NME7: variants seen among roughly 807,000 people sequenced by gnomAD.
NME7 encodes nucleoside diphosphate kinase 7.
Under a neutral mutation model 49.1 loss-of-function variants are expected in NME7, and 41 were observed. The ratio of observed to expected loss-of-function variants is 0.83; its 90% CI spans 0.65 to 1.08. NME7 has a LOEUF of 1.08. Among genes scored for constraint, NME7 ranks in the 50% least tolerant of loss-of-function variants. The pLI, the probability that NME7 is intolerant of heterozygous loss-of-function variation, is 0.00. For missense variants in NME7, 423 were observed against 463.4 expected, an observed-to-expected ratio of 0.91 and a Z score of 0.80; for synonymous variants, 139 against 150.6, an observed-to-expected ratio of 0.92 and a Z score of 0.56.
At chr1:169,351,838 T>C (rs774098554) in intron 1 of NME7, among the ~76,000 whole-genome samples, 28 of 151,838 alleles carry the variant, frequency 1.8e-4, no homozygotes, top group Non-Finnish European at 3.8e-4. Flanking sequence ...AATCAAAAAC[T>C]TCCTACACAC....
At chr1:169,294,690 A>G (rs17517699) in intron 6 of NME7, among the ~76,000 whole-genome samples, 6,688 of 152,280 alleles carry the variant, frequency 0.044, 198 homozygotes, top group Non-Finnish European at 0.067. Flanking sequence ...GACAAGGGTA[A>G]AAAAATATAT....
chr1:169,246,397 T>G (rs1320955574), intron 7 of NME7, among the ~76,000 whole-genome samples: 1 of 152,162 alleles, frequency 6.6e-6, no homozygotes, highest in Non-Finnish European at 1.5e-5. Context: ...TCTTAATGGA[T>G]CTCAAATTAA....
intron 8 of NME7, among the ~76,000 whole-genome samples, chr1:169,236,176 T>C (rs1253163974): frequency 2.0e-5 from 3 of 152,152 alleles, no homozygotes; most frequent in Non-Finnish European, 4.4e-5. Flanking sequence ...AAAATACTAA[T>C]AGAAGATATC....
At chr1:169,333,871 A>C (rs1271703611) in intron 1 of NME7, among the ~76,000 whole-genome samples, 1 of 152,196 alleles carries the variant, frequency 6.6e-6, no homozygotes, top group Non-Finnish European at 1.5e-5. Context: ...CCCTATTAAG[A>C]CAAATCAGGT....
intron 10 of NME7, among the ~76,000 whole-genome samples, chr1:169,177,596 G>C (rs1444382053): frequency 1.4e-4 from 21 of 151,970 alleles, no homozygotes; most frequent in Admixed American, 1.4e-3. Flanking sequence ...AGATCATCGT[G>C]GCCAACACAG....
At chr1:169,251,467 A>C (rs1414332654) in intron 7 of NME7, among the ~76,000 whole-genome samples, 1 of 151,518 alleles carries the variant, frequency 6.6e-6, no homozygotes, top group African/African-American at 2.4e-5. Flanking sequence ...GAATTTAAGC[A>C]ATTTATATCC....
At chr1:169,170,867 C>A (rs10919083) in intron 10 of NME7, among the ~76,000 whole-genome samples, 54,120 of 151,870 alleles carry the variant, frequency 0.36, 10,412 homozygotes, top group East Asian at 0.73. Context: ...ATGGAGGTTG[C>A]AGTGAGCCGA....
intron 7 of NME7, among the ~76,000 whole-genome samples, chr1:169,272,181 C>CTG: frequency 7.6e-6 from 1 of 131,880 alleles, no homozygotes; most frequent in Admixed American, 7.5e-5. Context: ...CCATTAAATC[C>CTG]TGTATAAACA....
At chr1:169,331,406 C>G (rs756954558) in intron 1 of NME7, among the ~76,000 whole-genome samples, 4 of 152,262 alleles carry the variant, frequency 2.6e-5, no homozygotes, top group Non-Finnish European at 5.9e-5. Flanking sequence ...CCTCTGAGAT[C>G]TGAAACATGA....
chr1:169,258,860 T>C (rs1649069764), intron 7 of NME7, among the ~76,000 whole-genome samples: 1 of 133,186 alleles, frequency 7.5e-6, no homozygotes, highest in Admixed American at 7.4e-5. Flanking sequence ...ACCTGGGAAC[T>C]TATTACAAAT....
chr1:169,348,412 C>G (rs1274568591), intron 1 of NME7, among the ~76,000 whole-genome samples: 1 of 148,580 alleles, frequency 6.7e-6, no homozygotes, highest in Non-Finnish European at 1.5e-5. Flanking sequence ...CAAAGATGAC[C>G]ATTTGTTTCA....
intron 7 of NME7, among the ~76,000 whole-genome samples, chr1:169,279,125 G>T (rs1383393080): frequency 2.0e-5 from 3 of 152,174 alleles, no homozygotes; most frequent in African/African-American, 7.2e-5. Context: ...TAGGCTGCTT[G>T]GGGGTCAGGG....
chr1:169,348,149 G>C (rs1268148775), intron 1 of NME7, among the ~76,000 whole-genome samples: 2 of 152,178 alleles, frequency 1.3e-5, no homozygotes, highest in Non-Finnish European at 2.9e-5. Flanking sequence ...CTTTATAAAA[G>C]TGGTAAAAGT....
intron 10 of NME7, among the ~76,000 whole-genome samples, chr1:169,192,138 A>G (rs1427062687): frequency 6.6e-6 from 1 of 152,260 alleles, no homozygotes; most frequent in Non-Finnish European, 1.5e-5. Flanking sequence ...AAATATACAT[A>G]AAAGATAAAC....
At chr1:169,336,704 C>G (rs1447516100) in intron 1 of NME7, among the ~76,000 whole-genome samples, 3 of 151,386 alleles carry the variant, frequency 2.0e-5, no homozygotes, top group Admixed American at 6.6e-5. Flanking sequence ...CTCCAAGGCC[C>G]CACAAGAGCA....
At chr1:169,321,913 T>C (rs78948188) in intron 3 of NME7, among the ~76,000 whole-genome samples, 2,193 of 151,318 alleles carry the variant, frequency 0.014, 47 homozygotes, top group African/African-American at 0.048. Context: ...ATCCCTATTT[T>C]AATTACAGCA....
chr1:169,154,470 A>G (rs184651039), intron 11 of NME7, among the ~76,000 whole-genome samples: 10 of 152,328 alleles, frequency 6.6e-5, no homozygotes, highest in African/African-American at 2.2e-4. Context: ...GTTACATTGA[A>G]GAACTCAATA....
rs182069874 is a variant in NME7 at position 169,248,105 on chromosome 1, G to A, written c.755-10418C>T. Among the ~76,000 whole-genome samples, 497 of 152,200 alleles carry A rather than the reference G, an allele frequency of 3.3e-3. 3 individuals carry two copies. Among genetic ancestry groups the A allele is most frequent in the African/African-American group, 0.011 (459 of 41,552 alleles). ...ACTAATTTACATTCCTACCAGCAGT[G>A]TATAGGTGTTCCCTTTTCACCACAT... On this transcript the variant is annotated intron_variant, in intron 7 of 11. Transcript: ENST00000367811.
At chr1:169,318,138 T>C (rs1169135038) in intron 3 of NME7, among the ~76,000 whole-genome samples, 1 of 152,228 alleles carries the variant, frequency 6.6e-6, no homozygotes, top group Non-Finnish European at 1.5e-5. Flanking sequence ...TAGTTTGTTC[T>C]GTAGATCCAA....
Sources: allele counts gnomAD v4.1 joint callset (sites outside exome capture counted in the v4.1 genomes callset), GRCh38; gene constraint gnomAD v4.1.1; transcripts MANE v1.5; gene names NCBI Gene and HGNC (gene_info 2026-07-23, HGNC 2026-07-21).